BCAS4: variants seen among roughly 807,000 people sequenced by gnomAD.
BCAS4 encodes the protein breast carcinoma-amplified sequence 4.
Under a neutral mutation model 15.7 loss-of-function variants are expected in BCAS4, and 9 were observed. That is an observed-to-expected ratio of 0.57 (90% CI 0.34 to 1.00). BCAS4 has a LOEUF of 1.00. BCAS4 is among the 50% of genes least tolerant of loss of function. The pLI is 0.02. For synonymous variants in BCAS4, 101 were observed against 99.5 expected, an observed-to-expected ratio of 1.02 and a Z score of -0.09; for missense variants, 225 against 239.1, an observed-to-expected ratio of 0.94 and a Z score of 0.39.
intron 1 of BCAS4, among the ~76,000 whole-genome samples, chr20:50,804,368 C>T (rs1485226036): frequency 6.6e-6 from 1 of 152,060 alleles, no homozygotes; most frequent in East Asian, 1.9e-4. Context: ...GTTTTGGAGA[C>T]CTTTTTATAT....
intron 4 of BCAS4, among the ~76,000 whole-genome samples, chr20:50,859,230 C>T (rs550847888): frequency 6.6e-6 from 1 of 152,332 alleles, no homozygotes; most frequent in South Asian, 2.1e-4. Context: ...GCTTGAGCGA[C>T]CACGCCTAGC....
At chr20:50,856,013 G>A (rs1207625750) in intron 4 of BCAS4, among the ~76,000 whole-genome samples, 2 of 152,206 alleles carry the variant, frequency 1.3e-5, no homozygotes, top group Non-Finnish European at 2.9e-5. Context: ...CCTGCGGGAG[G>A]GAAGAGCCTG....
upstream of BCAS4, chr20:50,794,930 GGAGCTGC>G (rs2087830614): frequency 1.8e-6 from 2 of 1,116,522 alleles, no homozygotes; most frequent in East Asian, 4.0e-5. Flanking sequence ...CGGCGCTCCT[GGAGCTGC>G]GAGCCGCGAC....
intron 2 of BCAS4, among the ~76,000 whole-genome samples, chr20:50,828,219 C>T (rs531737412): frequency 6.6e-6 from 1 of 151,930 alleles, no homozygotes; most frequent in Non-Finnish European, 1.5e-5. Context: ...ACGAGTATCC[C>T]TGAGGACACT....
intron 1 of BCAS4, among the ~76,000 whole-genome samples, chr20:50,795,752 C>T (rs1276293913): frequency 6.6e-6 from 1 of 152,256 alleles, no homozygotes; most frequent in Non-Finnish European, 1.5e-5. Context: ...TCAACCCATT[C>T]TCTTTTTAAA....
intron 2 of BCAS4, among the ~76,000 whole-genome samples, chr20:50,824,018 A>T (rs28664786): frequency 7.9e-5 from 12 of 152,226 alleles, no homozygotes; most frequent in African/African-American, 2.2e-4. Context: ...TAAATAGCAC[A>T]GTGCTATTTA....
At position 50,861,471 on chromosome 20, in the gene BCAS4, T is replaced by A. The variant is rs182157994; in HGVS notation, c.400-15015T>A. On this transcript the variant is annotated intron_variant, in intron 4 of 4. Coordinates refer to ENST00000371608, the MANE Select transcript of BCAS4 (RefSeq NM_198799.4). ...AGTGAAATGACAAGGGTGCGGTGTT[T>A]CCCTGAAGGCGAGATGGCCTCCGTC... 3.3e-5 allele frequency among the ~76,000 whole-genome samples: 5 copies of A among 152,354 alleles called. No individual in the cohort carries two copies. In the South Asian group the frequency reaches 8.3e-4, roughly 25 times the overall value.
rs776911082 is a variant in BCAS4 at position 50,818,212 on chromosome 20, C to T, written c.92C>T (p.Ala31Val). 5.6e-6 allele frequency: 9 copies of T among 1,613,342 alleles called. No homozygotes were observed. The Admixed American group carries it at 6.7e-5, about 12-fold the overall frequency. Residue 31 changes from alanine (A) to valine (V), a missense_variant and splice_region_variant, in exon 2 of 5, where the codon GCG becomes GTG. Coordinates refer to ENST00000371608, the MANE Select transcript of BCAS4 (RefSeq NM_198799.4). ...LFLTPEPGAE[A>V]KEVEETIEGM... Reference sequence around the variant, plus strand: ...TCCAGGATATCGTCTCTTTTTCAGGCGAAGGAGGTGGAGGAGACCATCGAG... The same window carrying T: ...TCCAGGATATCGTCTCTTTTTCAGGTGAAGGAGGTGGAGGAGACCATCGAG...
chr20:50,847,907 T>A (rs1248629292), intron 4 of BCAS4, among the ~76,000 whole-genome samples: 24 of 150,716 alleles, frequency 1.6e-4, no homozygotes. Context: ...TTGCCAGGGG[T>A]GGTGGTGCAT....
At chr20:50,795,020 GA>G, upstream of BCAS4, 1 of 1,395,856 alleles carries the variant, frequency 7.2e-7, no homozygotes, top group Non-Finnish European at 9.3e-7. Context: ...GCGGGGCTCC[GA>G]GGCCCGGGCG....
intron 1 of BCAS4, among the ~76,000 whole-genome samples, chr20:50,807,774 T>C (rs1024595667): frequency 2.6e-5 from 4 of 152,316 alleles, no homozygotes; most frequent in African/African-American, 9.6e-5. Context: ...TGGTTTTCCA[T>C]TTCTGAGTTA....
chr20:50,795,065 G>C lies in BCAS4; in HGVS notation c.-19G>C. ...GGCTCCCAGGCAGCCTCCGCCAGCC[G>C]GACCCCGTCGCCCTCCTGATGCTGC... On this transcript the variant is annotated 5_prime_UTR_variant, in exon 1 of 5. Coordinates refer to ENST00000371608, the MANE Select transcript of BCAS4 (RefSeq NM_198799.4). 2.0e-6 allele frequency: 3 copies of C among 1,485,904 alleles called. No homozygotes were observed. The South Asian group carries it at 3.8e-5, about 19-fold the overall frequency. The allele number at this position is 1,485,904 out of a possible 1,614,324, so 92.0% of individuals were successfully genotyped here. A position where few individuals can be genotyped will look rare whatever the true frequency, so the allele number is the denominator to read the frequency against.
intron 4 of BCAS4, among the ~76,000 whole-genome samples, chr20:50,866,331 G>T (rs6067578): frequency 0.26 from 40,284 of 152,076 alleles, 6,123 homozygotes; most frequent in African/African-American, 0.43. Flanking sequence ...TGGCCTGGTG[G>T]TGTGAGCCTG....
At chr20:50,843,117 A>T (rs997452786) in intron 4 of BCAS4, among the ~76,000 whole-genome samples, 1 of 151,666 alleles carries the variant, frequency 6.6e-6, no homozygotes, top group Non-Finnish European at 1.5e-5. Flanking sequence ...GCACCATCAC[A>T]CCTGGCTAAT....
intron 4 of BCAS4, among the ~76,000 whole-genome samples, chr20:50,860,786 G>A (rs1010215950): frequency 9.2e-5 from 14 of 152,150 alleles, no homozygotes; most frequent in African/African-American, 3.4e-4. Context: ...TGAGGCAAGA[G>A]AATTGCTTGA....
chr20:50,871,720 C>G (rs1009422770), intron 4 of BCAS4, among the ~76,000 whole-genome samples: 2 of 152,206 alleles, frequency 1.3e-5, no homozygotes, highest in Admixed American at 1.3e-4. Flanking sequence ...CATTCTCAGG[C>G]GGGCCCCTGG....
At chr20:50,823,903 G>C (rs1008482873) in intron 2 of BCAS4, among the ~76,000 whole-genome samples, 1 of 152,076 alleles carries the variant, frequency 6.6e-6, no homozygotes. Context: ...TCATCAAGCT[G>C]TCCACTTACG....
chr20:50,863,165 A>C (rs1979176920), intron 4 of BCAS4, among the ~76,000 whole-genome samples: 1 of 150,814 alleles, frequency 6.6e-6, no homozygotes, highest in African/African-American at 2.4e-5. Context: ...AGCTGCCTGC[A>C]TCAGGAACTG....
intron 4 of BCAS4, among the ~76,000 whole-genome samples, chr20:50,845,841 G>A (rs1317040116): frequency 6.6e-6 from 1 of 152,258 alleles, no homozygotes; most frequent in African/African-American, 2.4e-5. Flanking sequence ...TGCCCCCATG[G>A]GAGGAGCCAC....
Sources: allele counts gnomAD v4.1 joint callset (sites outside exome capture counted in the v4.1 genomes callset), GRCh38; gene constraint gnomAD v4.1.1; transcripts MANE v1.5; gene names NCBI Gene and HGNC (gene_info 2026-07-23, HGNC 2026-07-21).